The following PAK3 variants were observed in gnomAD, a reference collection of about 807,000 sequenced individuals.
PAK3 encodes the protein p21 (RAC1) activated kinase 3.
A neutral mutation model predicts 41.0 loss-of-function variants in PAK3; 4 were observed. That is an observed-to-expected ratio of 0.10 (90% confidence interval 0.05 to 0.22). PAK3 has a LOEUF of 0.22. PAK3 is among the 10% of genes least tolerant of loss of function. PAK3 has a pLI of 1.00. For missense variants in PAK3, 205 were observed against 409.9 expected, an observed-to-expected ratio of 0.50 and a Z score of 4.32; for synonymous variants, 146 against 139.6, an observed-to-expected ratio of 1.05 and a Z score of -0.32.
chrX:110,981,587 G>A (rs1395591404), intron 1 of PAK3, among the ~76,000 whole-genome samples: 3 of 109,743 alleles, frequency 2.7e-5, no homozygotes, highest in Non-Finnish European at 3.8e-5. Flanking sequence ...AAAGAGAAAA[G>A]GATAAAGAAA....
chrX:111,132,530 G>A (rs980770792), intron 5 of PAK3, among the ~76,000 whole-genome samples: 5 of 110,708 alleles, frequency 4.5e-5, no homozygotes, highest in African/African-American at 1.3e-4. Flanking sequence ...GCACCTCCCA[G>A]GAGGGCCTCG....
intron 1 of PAK3, among the ~76,000 whole-genome samples, chrX:111,076,188 T>C (rs1476204259): frequency 9.0e-6 from 1 of 111,121 alleles, no homozygotes; most frequent in Non-Finnish European, 1.9e-5. Context: ...AAAGGCATGA[T>C]TGTATTTTGA....
intron 1 of PAK3, among the ~76,000 whole-genome samples, chrX:111,010,719 A>T (rs1443178717): frequency 8.9e-6 from 1 of 111,872 alleles, no homozygotes; most frequent in Non-Finnish European, 1.9e-5. Flanking sequence ...CCCTCACCAG[A>T]ATCCAAGCAG....
Position 111,147,820 on chromosome X carries a change from A to G in PAK3, c.360A>G (p.Leu120=). ...AGAAGAAGAACCCACAAGCTGTTCT[A>G]GATGTTCTCAAATTCTATGATTCCA... The part of the protein sequence containing the change: ...LEQKKNPQAV[L]DVLKFYDSKE... The change falls in exon 7 of 18, where the codon CTA becomes CTG. Residue 120 remains leucine (L), a synonymous_variant. Coordinates refer to ENST00000372007, the MANE Select transcript of PAK3 (RefSeq NM_002578.5). The G allele has an allele frequency of 8.4e-7, 1 of 1,189,020 alleles. No homozygotes were observed. The highest frequency in any genetic ancestry group is 1.1e-6 in the Non-Finnish European group (1 of 874,527).
At chrX:111,038,997 C>T (rs892425482) in intron 1 of PAK3, among the ~76,000 whole-genome samples, 3 of 111,548 alleles carry the variant, frequency 2.7e-5, no homozygotes, top group East Asian at 2.8e-4. Flanking sequence ...ATCATCACTT[C>T]CTGATCAAAA....
intron 1 of PAK3, among the ~76,000 whole-genome samples, chrX:110,999,462 C>T (rs185270870): frequency 1.0e-4 from 11 of 110,374 alleles, no homozygotes; most frequent in South Asian, 3.9e-4. Context: ...AGGAGGTGCT[C>T]GGCAAGTTTT....
At chrX:111,109,965 A>T (rs1603243952) in intron 4 of PAK3, among the ~76,000 whole-genome samples, 2 of 112,292 alleles carry the variant, frequency 1.8e-5, no homozygotes, top group Middle Eastern at 9.1e-3. Context: ...TTACTATTAC[A>T]TTTACTAGTT....
intron 1 of PAK3, among the ~76,000 whole-genome samples, chrX:111,081,991 T>G (rs2092838396): frequency 8.9e-6 from 1 of 111,876 alleles, no homozygotes; most frequent in African/African-American, 3.2e-5. Flanking sequence ...TTTTACATTT[T>G]AAAATTGATA....
At chrX:111,006,849 C>CTTTCTTTCTTTTTTTTTTTTT in intron 1 of PAK3, among the ~76,000 whole-genome samples, 1 of 42,726 alleles carries the variant, frequency 2.3e-5, no homozygotes, top group Non-Finnish European at 4.4e-5. Flanking sequence ...TTCTTTCTTT[C>CTTTCTTTCTTTTTTTTTTTTT]TTTTTTTTTT....
chrX:111,000,227 C>G (rs1321829634), intron 1 of PAK3, among the ~76,000 whole-genome samples: 1 of 111,529 alleles, frequency 9.0e-6, no homozygotes, highest in Non-Finnish European at 1.9e-5. Context: ...TGGTTTTGTC[C>G]CTTTGTGTCT....
chrX:111,078,786 C>G (rs1292603395), intron 1 of PAK3, among the ~76,000 whole-genome samples: 2 of 111,723 alleles, frequency 1.8e-5, no homozygotes, highest in Non-Finnish European at 3.8e-5. Flanking sequence ...ACCAGTTATC[C>G]AAGTTATGAA....
chrX:111,219,832 C>A (rs1043603108), intron 17 of PAK3, among the ~76,000 whole-genome samples: 4 of 110,710 alleles, frequency 3.6e-5, no homozygotes, highest in African/African-American at 6.6e-5. Flanking sequence ...AGTGCACATG[C>A]GCATGGAAGA....
intron 17 of PAK3, chrX:111,216,899 G>A: frequency 1.3e-6 from 1 of 748,205 alleles, no homozygotes. Flanking sequence ...CTCTTGGCCG[G>A]AGGTAATTCT....
At chrX:111,086,257 T>C (rs1414970962) in intron 1 of PAK3, among the ~76,000 whole-genome samples, 1 of 111,774 alleles carries the variant, frequency 8.9e-6, no homozygotes. Context: ...TTGAAGATTG[T>C]GTCATATAAA....
chrX:111,080,462 A>G (rs2148838136), intron 1 of PAK3, among the ~76,000 whole-genome samples: 1 of 112,603 alleles, frequency 8.9e-6, no homozygotes, highest in East Asian at 2.8e-4. Flanking sequence ...TGTTCTTTAG[A>G]CATAATACTA....
chrX:111,113,733 A>G (rs943618116), intron 4 of PAK3, among the ~76,000 whole-genome samples: 2 of 110,654 alleles, frequency 1.8e-5, no homozygotes, highest in Non-Finnish European at 3.8e-5. Flanking sequence ...CTCGTCATTT[A>G]CATTAGGTAT....
chrX:111,117,036 G>A (rs2093476890), intron 4 of PAK3, among the ~76,000 whole-genome samples: 1 of 111,613 alleles, frequency 9.0e-6, no homozygotes, highest in East Asian at 2.8e-4. Flanking sequence ...TGATAGCAGA[G>A]TTCCCTTGGT....
chrX:111,132,367 C>T (rs932362989), intron 5 of PAK3, among the ~76,000 whole-genome samples: 6 of 111,282 alleles, frequency 5.4e-5, no homozygotes, highest in Admixed American at 4.8e-4. Flanking sequence ...ACTGTTTCTG[C>T]CAGAAGTGGT....
intron 10 of PAK3, among the ~76,000 whole-genome samples, chrX:111,170,833 G>A (rs1360195450): frequency 9.0e-6 from 1 of 111,474 alleles, no homozygotes; most frequent in Non-Finnish European, 1.9e-5. Flanking sequence ...AAGTAGTAAG[G>A]GTGGAGAAAA....
Sources: allele counts gnomAD v4.1 joint callset (sites outside exome capture counted in the v4.1 genomes callset), GRCh38; gene constraint gnomAD v4.1.1; transcripts MANE v1.5; gene names NCBI Gene and HGNC (gene_info 2026-07-23, HGNC 2026-07-21).